The following MYO3B variants were observed in gnomAD, a reference collection of about 807,000 sequenced individuals.
MYO3B encodes myosin IIIB, also known as myosin-IIIb.
MYO3B carries 156 observed loss-of-function variants against 174.6 expected under a neutral mutation model. The observed-to-expected ratio is 0.89, with a 90% confidence interval of 0.78 to 1.02. The LOEUF is 1.02. Ranked by LOEUF, MYO3B falls within the 50% of genes least tolerant of loss-of-function variation. The pLI is 0.00. For synonymous variants in MYO3B, 563 were observed against 569.1 expected, an observed-to-expected ratio of 0.99 and a Z score of 0.15; for missense variants, 1,632 against 1,639.4, an observed-to-expected ratio of 1.00 and a Z score of 0.08.
intron 8 of MYO3B, among the ~76,000 whole-genome samples, chr2:170,343,201 G>A (rs889718935): frequency 7.9e-5 from 12 of 152,014 alleles, no homozygotes; most frequent in Non-Finnish European, 1.5e-4. Context: ...GCACTTTGAG[G>A]GGCTGAGGTG....
At position 170,595,814 on chromosome 2, in the gene MYO3B, G is replaced by T. The variant is rs910254463; in HGVS notation, c.3733+51826G>T. ...GAGCATGCCATCTGTGCCTTCGTAG[G>T]CTTCTCTTCTCACTGTTATTCCAAC... On this transcript the variant is annotated intron_variant, in intron 32 of 34. Coordinates refer to ENST00000408978, the MANE Select transcript of MYO3B (RefSeq NM_138995.5). Among the ~76,000 whole-genome samples the T allele has an allele frequency of 2.6e-5, 4 of 152,102 alleles. No individual in the cohort carries two copies. In the East Asian group the frequency reaches 7.7e-4, roughly 29 times the overall value.
intron 1 of MYO3B, among the ~76,000 whole-genome samples, chr2:170,195,963 G>A (rs763368829): frequency 1.3e-5 from 2 of 152,128 alleles, no homozygotes; most frequent in Non-Finnish European, 2.9e-5. Context: ...TCTCTACCTT[G>A]ATGTTCAGTA....
At chr2:170,434,387 A>G (rs1265692272) in intron 22 of MYO3B, among the ~76,000 whole-genome samples, 3 of 152,162 alleles carry the variant, frequency 2.0e-5, no homozygotes, top group Non-Finnish European at 2.9e-5. Flanking sequence ...TTCTGTATAG[A>G]AGGGTTCACC....
At chr2:170,409,249 A>T (rs2094530461) in intron 22 of MYO3B, among the ~76,000 whole-genome samples, 1 of 152,242 alleles carries the variant, frequency 6.6e-6, no homozygotes, top group Admixed American at 6.5e-5. Context: ...CGCTATGCAG[A>T]AAGTAAGGCC....
At chr2:170,274,160 G>A (rs1167828385) in intron 7 of MYO3B, among the ~76,000 whole-genome samples, 2 of 151,634 alleles carry the variant, frequency 1.3e-5, no homozygotes, top group Non-Finnish European at 2.9e-5. Context: ...GAGGGAGAGA[G>A]AATGAGAGAG....
At chr2:170,478,889 TACACACACACACACAC>T (rs143792197) in intron 25 of MYO3B, among the ~76,000 whole-genome samples, 2 of 137,300 alleles carry the variant, frequency 1.5e-5, no homozygotes, top group Admixed American at 1.5e-4. Context: ...AGGTTTTACA[TACACACACACACACAC>T]ACACACACAC....
At chr2:170,227,593 C>T (rs930588429) in intron 6 of MYO3B, among the ~76,000 whole-genome samples, 1 of 152,100 alleles carries the variant, frequency 6.6e-6, no homozygotes, top group Admixed American at 6.6e-5. Flanking sequence ...CCTCCCATAC[C>T]TTTTTTAATT....
chr2:170,362,535 T>C (rs2094169287), intron 8 of MYO3B, among the ~76,000 whole-genome samples: 1 of 152,214 alleles, frequency 6.6e-6, no homozygotes, highest in South Asian at 2.1e-4. Context: ...GAGACTCAGC[T>C]TCCTGTTCAA....
At position 170,379,442 on chromosome 2, in the gene MYO3B, C is replaced by T. The variant is rs370529872; in HGVS notation, c.972-2574C>T. Among the ~76,000 whole-genome samples the T allele has an allele frequency of 7.0e-4, 106 of 152,306 alleles. No homozygotes were observed. In the South Asian group the frequency reaches 0.022, roughly 31 times the overall value. On this transcript the variant is annotated intron_variant, in intron 9 of 34. Transcript: ENST00000408978. Reference sequence around the variant, plus strand: ...TCTCTTGACCTTGTGATCCACCCGCCTTGGCCGCCCAAAGTGCTGGGATTA... The same window carrying T: ...TCTCTTGACCTTGTGATCCACCCGCTTTGGCCGCCCAAAGTGCTGGGATTA...
At position 170,392,863 on chromosome 2, in the gene MYO3B, G is replaced by GTTTTTTTTT. The variant is rs5836273; in HGVS notation, c.1791+376_1791+377insTTTTTTTTT. Among the ~76,000 whole-genome samples the GTTTTTTTTT allele has an allele frequency of 1.2e-3, 176 of 150,242 alleles. 2 individuals carry two copies. Among genetic ancestry groups the GTTTTTTTTT allele is most frequent in the East Asian group, 4.5e-3 (23 of 5,096 alleles). ...AACAAATACCAAAACAATACTGTGG[G>GTTTTTTTTT]TTTTTTTTCTGATTGAGCGTTCTTC... On this transcript the variant is annotated intron_variant, in intron 16 of 34. Coordinates refer to ENST00000408978, the MANE Select transcript of MYO3B (RefSeq NM_138995.5).
intron 6 of MYO3B, among the ~76,000 whole-genome samples, chr2:170,222,060 G>A (rs545072309): frequency 2.7e-4 from 41 of 152,260 alleles, no homozygotes; most frequent in Admixed American, 1.2e-3. Context: ...AGTTTGTTCC[G>A]GAGTTTGTTG....
rs73975631 is a variant in MYO3B, at chr2:170,388,746, G to A, written c.1577+1438G>A. On this transcript the variant is annotated intron_variant, in intron 14 of 34. Transcript: ENST00000408978. ...CTAAGGCGGTGGCAGTGGAGATGGA[G>A]AGAAGATGAGGAGTCTGAGAGATAC... Among the ~76,000 whole-genome samples, 849 of 152,310 alleles carry A rather than the reference G, an allele frequency of 5.6e-3. 15 individuals carry two copies. The highest frequency in any genetic ancestry group is 0.019 in the African/African-American group (802 of 41,566).
chr2:170,369,638 G>T (rs1343091643), intron 9 of MYO3B, among the ~76,000 whole-genome samples: 2 of 150,870 alleles, frequency 1.3e-5, no homozygotes, highest in Non-Finnish European at 2.9e-5. Flanking sequence ...GTTAGCTTTA[G>T]TTAAAAAATC....
intron 8 of MYO3B, among the ~76,000 whole-genome samples, chr2:170,356,925 GCAC>G (rs1281484792): frequency 6.6e-6 from 1 of 151,962 alleles, no homozygotes; most frequent in Non-Finnish European, 1.5e-5. Context: ...CCATAGGTAT[GCAC>G]CACCACGGCC....
intron 3 of MYO3B, among the ~76,000 whole-genome samples, chr2:170,214,044 T>C (rs1383481428): frequency 6.6e-6 from 1 of 152,232 alleles, no homozygotes; most frequent in Non-Finnish European, 1.5e-5. Context: ...GCCATTATTA[T>C]TTATATGCTT....
intron 30 of MYO3B, among the ~76,000 whole-genome samples, chr2:170,528,249 T>C (rs916172720): frequency 2.0e-5 from 3 of 152,244 alleles, no homozygotes; most frequent in Admixed American, 1.3e-4. Flanking sequence ...AGCTCACTTA[T>C]TGGCTGGTAG....
intron 7 of MYO3B, among the ~76,000 whole-genome samples, chr2:170,277,960 A>C (rs1472908476): frequency 6.6e-6 from 1 of 152,210 alleles, no homozygotes; most frequent in Non-Finnish European, 1.5e-5. Context: ...GCTTTTAAAA[A>C]TTATGTGTGT....
At chr2:170,434,679 C>G (rs971450674) in intron 22 of MYO3B, among the ~76,000 whole-genome samples, 8 of 152,238 alleles carry the variant, frequency 5.3e-5, no homozygotes, top group Middle Eastern at 3.4e-3. Flanking sequence ...GGTTGCTTTA[C>G]GAGGAAGTTA....
At chr2:170,311,427 A>G (rs1030285121) in intron 7 of MYO3B, among the ~76,000 whole-genome samples, 17 of 111,878 alleles carry the variant, frequency 1.5e-4, no homozygotes, top group African/African-American at 6.1e-4. Context: ...AAGAATGTCT[A>G]TTCATGTTTT....
Sources: gnomAD v4.1 joint callset for allele counts (sites outside exome capture counted in the v4.1 genomes callset) on GRCh38, gnomAD v4.1.1 for gene constraint, MANE v1.5 for transcripts, NCBI Gene and HGNC (gene_info 2026-07-23, HGNC 2026-07-21) for gene names.